The following SUPT3H variants were observed in gnomAD, a reference collection of about 807,000 sequenced individuals.
SUPT3H encodes the protein transcription initiation protein SPT3 homolog.
A neutral mutation model predicts 44.3 loss-of-function variants in SUPT3H; 44 were observed. The ratio of observed to expected loss-of-function variants is 0.99; its 90% CI spans 0.78 to 1.28. The LOEUF (loss-of-function observed/expected upper bound fraction) is 1.28, where lower values mean the gene tolerates loss of function less well. SUPT3H is among the 50% of genes most tolerant of loss of function. The pLI, the probability that SUPT3H is intolerant of heterozygous loss-of-function variation, is 0.00. For missense variants in SUPT3H, 380 were observed against 387.1 expected (o/e 0.98, Z 0.15); for synonymous variants, 124 against 125.6 (o/e 0.99, Z 0.09).
At chr6:44,954,672 A>G in intron 7 of SUPT3H, 65 bp from the exon 8 acceptor site, 1 of 877,662 alleles carries the variant, frequency 1.1e-6, no homozygotes, top group Non-Finnish European at 1.9e-6. Context: ...ACTGCACATT[A>G]CTATCACAAA....
chr6:44,817,316 A>G (rs1766982349), intron 11 of SUPT3H, among the ~76,000 whole-genome samples: 1 of 152,162 alleles, frequency 6.6e-6, no homozygotes, highest in Non-Finnish European at 1.5e-5. Flanking sequence ...TCGGCAAAAA[A>G]GGAATAAAAG....
Position 45,369,583 on chromosome 6 carries a change from T to C in SUPT3H, c.1-4282A>G, listed in dbSNP as rs571738814. ...CCACTCTCCTCCACCAAAGACAGTG[T>C]ATCGTATCCTCCCTTAATTCCCTCC... On this transcript the variant is annotated intron_variant, in intron 1 of 10. Transcript: ENST00000371459. Among the ~76,000 whole-genome samples the C allele has an allele frequency of 5.3e-5, 8 of 152,218 alleles. No homozygotes were observed. The East Asian group carries it at 1.5e-3, about 29-fold the overall frequency.
At chr6:44,976,340 T>A (rs893674933) in intron 6 of SUPT3H, among the ~76,000 whole-genome samples, 1 of 151,888 alleles carries the variant, frequency 6.6e-6, no homozygotes, top group Non-Finnish European at 1.5e-5. Context: ...AGCAGAAATG[T>A]CTACACATTT....
At chr6:44,969,148 T>C (rs1470212965) in intron 6 of SUPT3H, among the ~76,000 whole-genome samples, 1 of 152,238 alleles carries the variant, frequency 6.6e-6, no homozygotes, top group Non-Finnish European at 1.5e-5. Flanking sequence ...TACCCCTTCC[T>C]GCACTTTCCC....
At chr6:44,906,743 CA>C (rs1766157287) in intron 10 of SUPT3H, among the ~76,000 whole-genome samples, 1 of 152,198 alleles carries the variant, frequency 6.6e-6, no homozygotes, top group Admixed American at 6.5e-5. Context: ...ACCTGGGCAA[CA>C]GAGTGAGACT....
intron 1 of SUPT3H, among the ~76,000 whole-genome samples, chr6:45,371,536 C>G (rs1796078150): frequency 6.6e-6 from 1 of 151,982 alleles, no homozygotes; most frequent in Non-Finnish European, 1.5e-5. Flanking sequence ...AATATTCAGG[C>G]CATTTAGATA....
At chr6:45,075,495 T>C (rs903017669) in intron 3 of SUPT3H, among the ~76,000 whole-genome samples, 8 of 152,088 alleles carry the variant, frequency 5.3e-5, no homozygotes, top group African/African-American at 1.2e-4. Flanking sequence ...CGGAGAGAAA[T>C]GCTTACTGTC....
At chr6:44,927,666 C>T (rs1769731680) in intron 10 of SUPT3H, among the ~76,000 whole-genome samples, 1 of 151,930 alleles carries the variant, frequency 6.6e-6, no homozygotes, top group African/African-American at 2.4e-5. Flanking sequence ...TTATGATGAT[C>T]AGTGATTAAA....
rs74728368 is a variant in SUPT3H, at chr6:44,951,235, G to GTT, written c.801+2073_801+2074dup. ...AAGTCTTTGACTGCAACTAGAGAAG[G>GTT]TTTTTTTTTTTTTTTTTAAACTTCT... is the stretch of plus-strand genomic sequence containing the variant. On this transcript the variant is annotated intron_variant, in intron 9 of 10. Coordinates refer to ENST00000371459, the MANE Select transcript of SUPT3H (RefSeq NM_003599.4). Among the ~76,000 whole-genome samples, 597 of 136,670 alleles carry GTT rather than the reference G, an allele frequency of 4.4e-3. 8 individuals carry two copies. The highest frequency in any genetic ancestry group is 0.014 in the African/African-American group (546 of 37,742). 89.7% of individuals were successfully genotyped at this position (136,670 alleles called of 152,430 possible).
intron 10 of SUPT3H, among the ~76,000 whole-genome samples, chr6:44,878,705 G>C (rs1268852629): frequency 6.6e-6 from 1 of 152,086 alleles, no homozygotes; most frequent in African/African-American, 2.4e-5. Context: ...GGTGATTTCT[G>C]CATTTCCAGC....
intron 3 of SUPT3H, among the ~76,000 whole-genome samples, chr6:45,096,162 C>T (rs1797755004): frequency 6.6e-6 from 1 of 152,048 alleles, no homozygotes; most frequent in Non-Finnish European, 1.5e-5. Context: ...TGAAACCTTT[C>T]TCTAGTGACA....
At chr6:44,960,261 G>T (rs1438834979) in intron 7 of SUPT3H, among the ~76,000 whole-genome samples, 1 of 151,600 alleles carries the variant, frequency 6.6e-6, no homozygotes. Flanking sequence ...ACAAAAATTA[G>T]CTGGGTGTGG....
At chr6:45,310,103 G>T (rs1238516778) in intron 2 of SUPT3H, among the ~76,000 whole-genome samples, 1 of 152,164 alleles carries the variant, frequency 6.6e-6, no homozygotes, top group African/African-American at 2.4e-5. Flanking sequence ...AGCACGGTGG[G>T]AATGAGACCA....
chr6:45,282,258 G>C (rs1254533832), intron 2 of SUPT3H, among the ~76,000 whole-genome samples: 1 of 152,194 alleles, frequency 6.6e-6, no homozygotes, highest in Non-Finnish European at 1.5e-5. Flanking sequence ...GACAAGTTGA[G>C]AGAAGAAGGT....
chr6:45,086,692 C>T (rs1291357562), intron 3 of SUPT3H, among the ~76,000 whole-genome samples: 3 of 151,798 alleles, frequency 2.0e-5, no homozygotes, highest in African/African-American at 7.3e-5. Flanking sequence ...TCAAAATGGC[C>T]TCAGCAATTG....
intron 2 of SUPT3H, among the ~76,000 whole-genome samples, chr6:45,352,832 A>G (rs575620775): frequency 1.3e-5 from 2 of 152,212 alleles, no homozygotes; most frequent in Middle Eastern, 3.4e-3. Context: ...CATATATATA[A>G]TTCTATTAGT....
At chr6:45,153,505 G>A (rs1807284683) in intron 2 of SUPT3H, among the ~76,000 whole-genome samples, 1 of 152,202 alleles carries the variant, frequency 6.6e-6, no homozygotes, top group East Asian at 1.9e-4. Context: ...GACTCAACCT[G>A]CATAGGAACT....
At chr6:44,945,207 C>T (rs915520521) in intron 9 of SUPT3H, among the ~76,000 whole-genome samples, 8 of 152,006 alleles carry the variant, frequency 5.3e-5, no homozygotes, top group Admixed American at 1.3e-4. Flanking sequence ...GTGTTTGTTC[C>T]GACTACTCCA....
At chr6:45,184,024 A>G (rs1208830469) in intron 2 of SUPT3H, among the ~76,000 whole-genome samples, 1 of 152,206 alleles carries the variant, frequency 6.6e-6, no homozygotes, top group East Asian at 1.9e-4. Flanking sequence ...TACATGTCAT[A>G]CATTTGTCAG....
Sources: allele counts gnomAD v4.1 joint callset (sites outside exome capture counted in the v4.1 genomes callset), GRCh38; gene constraint gnomAD v4.1.1; transcripts MANE v1.5; gene names NCBI Gene and HGNC (gene_info 2026-07-23, HGNC 2026-07-21).